The following SPON1 variants were observed in gnomAD, a reference collection of about 807,000 sequenced individuals.
The protein encoded by SPON1 is spondin-1.
SPON1 carries 52 observed loss-of-function variants against 111.7 expected under a neutral mutation model. The observed-to-expected ratio is 0.47, with a 90% confidence interval of 0.37 to 0.59. The LOEUF is 0.59. Among genes scored for constraint, SPON1 ranks in the 20% least tolerant of loss-of-function variants. SPON1 has a pLI of 0.00. For synonymous variants in SPON1, 410 were observed against 395.8 expected (o/e 1.04, Z -0.43); for missense variants, 957 against 1,068.5 (o/e 0.90, Z 1.46).
At chr11:14,040,632 C>T (rs1217627843) in intron 2 of SPON1, among the ~76,000 whole-genome samples, 1 of 151,744 alleles carries the variant, frequency 6.6e-6, no homozygotes, top group Non-Finnish European at 1.5e-5. Context: ...AAAATAAATA[C>T]AATATAGGTA....
At chr11:14,003,076 C>T (rs1848332202) in intron 2 of SPON1, among the ~76,000 whole-genome samples, 1 of 152,172 alleles carries the variant, frequency 6.6e-6, no homozygotes, top group Non-Finnish European at 1.5e-5. Flanking sequence ...GTTGTCCGTG[C>T]ACACTCCATC....
chr11:14,079,404 A>C (rs1012075547), intron 4 of SPON1, among the ~76,000 whole-genome samples: 3 of 152,050 alleles, frequency 2.0e-5, no homozygotes, highest in Non-Finnish European at 2.9e-5. Context: ...GTAATTCTTT[A>C]TCTCTCTCCA....
chr11:13,986,243 C>A (rs1293990364), intron 2 of SPON1, among the ~76,000 whole-genome samples: 4 of 152,134 alleles, frequency 2.6e-5, no homozygotes, highest in African/African-American at 7.2e-5. Flanking sequence ...TCAGAAAGAA[C>A]AAATGCCATT....
intron 2 of SPON1, among the ~76,000 whole-genome samples, chr11:14,019,019 G>A (rs1257695172): frequency 6.6e-6 from 1 of 152,158 alleles, no homozygotes; most frequent in Non-Finnish European, 1.5e-5. Context: ...GAAAAGAGAA[G>A]TACAAGTCCA....
chr11:14,147,017 C>CTTT lies in SPON1; in HGVS notation c.825+11477_825+11479dup, dbSNP rs34930543. Among the ~76,000 whole-genome samples, 91 of 65,054 alleles carry CTTT rather than the reference C, an allele frequency of 1.4e-3. 13 individuals carry two copies. The highest frequency in any genetic ancestry group is 3.5e-3 in the East Asian group (6 of 1,720). 42.7% of individuals were successfully genotyped at this position (65,054 alleles called of 152,430 possible). A position where few individuals can be genotyped will look rare whatever the true frequency, so the allele number is the denominator to read the frequency against. On this transcript the variant is annotated intron_variant, in intron 6 of 15. Coordinates refer to ENST00000576479, the MANE Select transcript of SPON1 (RefSeq NM_006108.4). The stretch of plus-strand genomic sequence containing the variant: ...ACGTTAGAAGAAAACATGAAAGAAC[C>CTTT]TTTTTTTTTTTTTTTTTTTTTTTTT...
At chr11:13,998,076 A>G (rs560678967) in intron 2 of SPON1, among the ~76,000 whole-genome samples, 5 of 152,332 alleles carry the variant, frequency 3.3e-5, no homozygotes, top group African/African-American at 9.6e-5. Flanking sequence ...AAAGCTGAGT[A>G]AATATTAGTC....
intron 5 of SPON1, among the ~76,000 whole-genome samples, chr11:14,132,417 G>A (rs182890825): frequency 1.3e-5 from 2 of 152,292 alleles, no homozygotes; most frequent in East Asian, 3.9e-4. Context: ...CCACGCTTGA[G>A]GTGCCTGTTT....
chr11:14,076,062 C>G (rs983922558), intron 4 of SPON1, among the ~76,000 whole-genome samples: 4 of 152,144 alleles, frequency 2.6e-5, no homozygotes, highest in Admixed American at 1.3e-4. Flanking sequence ...AGCCATGTGA[C>G]TTAAATAGAT....
At chr11:14,222,342 A>T (rs1221900712) in intron 6 of SPON1, among the ~76,000 whole-genome samples, 2 of 152,224 alleles carry the variant, frequency 1.3e-5, no homozygotes, top group African/African-American at 4.8e-5. Flanking sequence ...TCCTCATAGG[A>T]TGCACTTTAA....
intron 6 of SPON1, among the ~76,000 whole-genome samples, chr11:14,174,682 AAGG>A (rs1384298505): frequency 6.6e-6 from 1 of 152,182 alleles, no homozygotes; most frequent in African/African-American, 2.4e-5. Flanking sequence ...AAAGAAAAAA[AAGG>A]AGAAAAATAA....
intron 5 of SPON1, among the ~76,000 whole-genome samples, chr11:14,102,849 T>C (rs1849154573): frequency 6.6e-6 from 1 of 152,240 alleles, no homozygotes. Context: ...GTTCTTTTTC[T>C]CTATTTCTTG....
At chr11:14,056,896 AT>A (rs1244518762) in intron 3 of SPON1, among the ~76,000 whole-genome samples, 2 of 152,192 alleles carry the variant, frequency 1.3e-5, no homozygotes, top group Admixed American at 1.3e-4. Context: ...ATCTCAAAAA[AT>A]AAATTAATTA....
chr11:14,232,089 C>T (rs1848810219), intron 6 of SPON1, among the ~76,000 whole-genome samples: 1 of 151,840 alleles, frequency 6.6e-6, no homozygotes, highest in South Asian at 2.1e-4. Flanking sequence ...AGAGTTCTTT[C>T]CTGGCCCTTT....
At chr11:14,101,028 T>C (rs1849139560) in intron 5 of SPON1, among the ~76,000 whole-genome samples, 1 of 152,226 alleles carries the variant, frequency 6.6e-6, no homozygotes, top group East Asian at 1.9e-4. Context: ...TTGTTTTGTT[T>C]GGTTTGTTTT....
At chr11:14,231,212 C>T (rs560855351) in intron 6 of SPON1, among the ~76,000 whole-genome samples, 1 of 151,700 alleles carries the variant, frequency 6.6e-6, no homozygotes. Flanking sequence ...CAGCTCACTG[C>T]AACCTTCACC....
At chr11:14,131,395 G>A (rs1291157747) in intron 5 of SPON1, among the ~76,000 whole-genome samples, 1 of 152,200 alleles carries the variant, frequency 6.6e-6, no homozygotes, top group Non-Finnish European at 1.5e-5. Context: ...CCTATTAGAT[G>A]TTTGAGCCTA....
chr11:14,071,560 T>C (rs1848876443), intron 3 of SPON1, among the ~76,000 whole-genome samples: 1 of 152,138 alleles, frequency 6.6e-6, no homozygotes, highest in South Asian at 2.1e-4. Flanking sequence ...TTCTCTCCTG[T>C]CCCCAAACCC....
At chr11:14,039,384 T>C (rs943644948) in intron 2 of SPON1, among the ~76,000 whole-genome samples, 1 of 152,124 alleles carries the variant, frequency 6.6e-6, no homozygotes, top group Non-Finnish European at 1.5e-5. Context: ...AACAAATGTA[T>C]CATTCTGATA....
chr11:14,164,888 C>A (rs941684639), intron 6 of SPON1, among the ~76,000 whole-genome samples: 3 of 152,004 alleles, frequency 2.0e-5, no homozygotes, highest in African/African-American at 7.3e-5. Flanking sequence ...GTGGGGGCCA[C>A]AAGATCAATG....
Sources: allele counts gnomAD v4.1 joint callset (sites outside exome capture counted in the v4.1 genomes callset), GRCh38; gene constraint gnomAD v4.1.1; transcripts MANE v1.5; gene names NCBI Gene and HGNC (gene_info 2026-07-23, HGNC 2026-07-21).